SLC25A48: variants seen among roughly 807,000 people sequenced by gnomAD.
SLC25A48 encodes the protein solute carrier family 25 member 48.
Under a neutral mutation model 32.2 loss-of-function variants are expected in SLC25A48, and 29 were observed. That is an observed-to-expected ratio of 0.90 (90% CI 0.67 to 1.23). SLC25A48 has a LOEUF of 1.23. SLC25A48 is among the 50% of genes most tolerant of loss of function. The pLI is 0.00. For synonymous variants in SLC25A48, 164 were observed against 172.3 expected (o/e 0.95, Z 0.38); for missense variants, 399 against 422.7 (o/e 0.94, Z 0.49).
At chr5:135,757,638 T>TA (rs1755949561) in intron 3 of SLC25A48, among the ~76,000 whole-genome samples, 1 of 149,586 alleles carries the variant, frequency 6.7e-6, no homozygotes, top group Non-Finnish European at 1.5e-5. Context: ...TAGATATTAA[T>TA]AAAAACATCT....
chr5:135,810,721 T>C (rs1284209504), intron 3 of SLC25A48, among the ~76,000 whole-genome samples: 1 of 152,202 alleles, frequency 6.6e-6, no homozygotes, highest in Non-Finnish European at 1.5e-5. Context: ...CCTCTTGATA[T>C]TCTCATTCGA....
intron 4 of SLC25A48, among the ~76,000 whole-genome samples, chr5:135,870,484 G>T (rs1761550341): frequency 1.3e-5 from 2 of 152,174 alleles, no homozygotes; most frequent in African/African-American, 2.4e-5. Context: ...ACCCCTAGAA[G>T]AAGCTGGAGA....
intron 3 of SLC25A48, among the ~76,000 whole-genome samples, chr5:135,646,678 T>TATATATATATACAC (rs966073970): frequency 4.4e-5 from 6 of 136,772 alleles, no homozygotes; most frequent in African/African-American, 1.6e-4. Context: ...TATATATATA[T>TATATATATATACAC]ACAATGGGAA....
At chr5:135,737,701 C>G (rs185414123) in intron 3 of SLC25A48, among the ~76,000 whole-genome samples, 1 of 152,152 alleles carries the variant, frequency 6.6e-6, no homozygotes, top group South Asian at 2.1e-4. Flanking sequence ...GACAACCTTC[C>G]GGAACATTTT....
chr5:135,861,202 C>T (rs1260804847), intron 4 of SLC25A48, among the ~76,000 whole-genome samples: 1 of 152,134 alleles, frequency 6.6e-6, no homozygotes, highest in Non-Finnish European at 1.5e-5. Flanking sequence ...CTGTTTTTAA[C>T]TCAGCATTAT....
At chr5:135,596,177 A>G (rs1036155453) in intron 1 of SLC25A48, among the ~76,000 whole-genome samples, 1 of 152,232 alleles carries the variant, frequency 6.6e-6, no homozygotes, top group Non-Finnish European at 1.5e-5. Flanking sequence ...AAAAATTTTA[A>G]AAGATTCTGT....
At chr5:135,792,998 A>G (rs767631650) in intron 3 of SLC25A48, among the ~76,000 whole-genome samples, 4 of 149,068 alleles carry the variant, frequency 2.7e-5, no homozygotes, top group Non-Finnish European at 4.5e-5. Context: ...TATGCATAAT[A>G]TCCTGGGGAG....
At chr5:135,765,930 G>A (rs1022634628) in intron 3 of SLC25A48, among the ~76,000 whole-genome samples, 2 of 151,746 alleles carry the variant, frequency 1.3e-5, no homozygotes, top group Admixed American at 1.3e-4. Context: ...GGGTGAGAGG[G>A]TCATATTACT....
chr5:135,749,603 G>C (rs4490574), intron 3 of SLC25A48, among the ~76,000 whole-genome samples: 45,726 of 151,332 alleles, frequency 0.3, 7,063 homozygotes, highest in East Asian at 0.46. Flanking sequence ...GTGGGGTGGT[G>C]GGGGTGCGAT....
intron 3 of SLC25A48, among the ~76,000 whole-genome samples, chr5:135,751,767 AAT>A (rs2127009015): frequency 6.6e-6 from 1 of 152,302 alleles, no homozygotes; most frequent in East Asian, 1.9e-4. Flanking sequence ...TGGAGGCTGC[AAT>A]GAGCGATGAG....
chr5:135,805,274 T>C (rs1160109952), intron 3 of SLC25A48, among the ~76,000 whole-genome samples: 1 of 151,326 alleles, frequency 6.6e-6, no homozygotes, highest in African/African-American at 2.4e-5. Flanking sequence ...GCAGATATTA[T>C]TTTTAATATC....
At chr5:135,752,971 G>A (rs1389300186) in intron 3 of SLC25A48, among the ~76,000 whole-genome samples, 7 of 151,856 alleles carry the variant, frequency 4.6e-5, no homozygotes, top group Non-Finnish European at 1.0e-4. Context: ...TAATATCACA[G>A]GGGTTTACGC....
rs1007703137 is a variant in SLC25A48 at position 135,643,152 on chromosome 5, G to A, written c.-521+8196G>A. Among the ~76,000 whole-genome samples the A allele has an allele frequency of 2.6e-5, 4 of 152,220 alleles. 1 individual carries two copies. Among genetic ancestry groups the A allele is most frequent in the Non-Finnish European group, 5.9e-5 (4 of 68,034 alleles). On this transcript the variant is annotated intron_variant, in intron 3 of 10. Transcript: ENST00000646290. ...ACTGCGACACATCCTTGGTGGACAC[G>A]ATGTATTGTTCTGAAGCAGGTTCTT... is the stretch of plus-strand genomic sequence containing the variant.
In SLC25A48 at chr5:135,782,883, G is replaced by A. The variant is rs1451076832; in HGVS notation, c.-520-29640G>A. 4.2e-5 allele frequency among the ~76,000 whole-genome samples: 5 copies of A among 117,786 alleles called. 2 individuals carry two copies. Among genetic ancestry groups the A allele is most frequent in the Non-Finnish European group, 1.1e-4 (5 of 47,392 alleles). The allele number at this position is 117,786 out of a possible 152,430, so 77.3% of individuals were successfully genotyped here. A position where few individuals can be genotyped will look rare whatever the true frequency, so the allele number is the denominator to read the frequency against. ...TATCATACCAGCTGTACAACCCCCTGTGACATTGGTTCAAAATCCAGGGGG... is the reference window on the plus strand; with the variant it reads ...TATCATACCAGCTGTACAACCCCCTATGACATTGGTTCAAAATCCAGGGGG... On this transcript the variant is annotated intron_variant, in intron 3 of 10. Coordinates refer to the SLC25A48 transcript ENST00000646290.
chr5:135,610,487 A>G lies in SLC25A48; in HGVS notation c.-848-18750A>G, dbSNP rs546405539. Among the ~76,000 whole-genome samples the G allele has an allele frequency of 3.3e-5, 5 of 152,266 alleles. No homozygotes were observed. In the South Asian group the frequency reaches 1.0e-3, roughly 32 times the overall value. ...ATTTACTTGCCCTGATAGGTTATTTATTTTTCCCTTTCCATGTCCTTTCCA... is the reference window on the plus strand; with the variant it reads ...ATTTACTTGCCCTGATAGGTTATTTGTTTTTCCCTTTCCATGTCCTTTCCA... On this transcript the variant is annotated intron_variant, in intron 1 of 10. Transcript: ENST00000646290.
chr5:135,716,817 C>A (rs1754810599), intron 3 of SLC25A48, among the ~76,000 whole-genome samples: 1 of 152,200 alleles, frequency 6.6e-6, no homozygotes, highest in Non-Finnish European at 1.5e-5. Flanking sequence ...ACCACTCATC[C>A]CCAGCTCCGG....
intron 3 of SLC25A48, among the ~76,000 whole-genome samples, chr5:135,717,145 G>A (rs1467594380): frequency 6.6e-6 from 1 of 152,168 alleles, no homozygotes; most frequent in Non-Finnish European, 1.5e-5. Context: ...TAGCATCAGG[G>A]AGCTCACTAC....
chr5:135,778,588 C>T (rs1756630991), intron 3 of SLC25A48, among the ~76,000 whole-genome samples: 1 of 150,562 alleles, frequency 6.6e-6, no homozygotes, highest in African/African-American at 2.4e-5. Context: ...TAATATAACT[C>T]CCAATATTTC....
At chr5:135,770,952 T>G (rs1756391797) in intron 3 of SLC25A48, among the ~76,000 whole-genome samples, 2 of 151,906 alleles carry the variant, frequency 1.3e-5, no homozygotes, top group Admixed American at 1.3e-4. Flanking sequence ...TCAAGAGGTG[T>G]TCAACCCCCT....
Sources: allele counts gnomAD v4.1 joint callset (sites outside exome capture counted in the v4.1 genomes callset), GRCh38; gene constraint gnomAD v4.1.1; transcripts MANE v1.5; gene names NCBI Gene and HGNC (gene_info 2026-07-23, HGNC 2026-07-21).